CUL1: variants seen among roughly 807,000 people sequenced by gnomAD.
CUL1 encodes the protein cullin-1.
Under a neutral mutation model 118.0 loss-of-function variants are expected in CUL1, and 24 were observed. The observed-to-expected ratio is 0.20, with a 90% confidence interval of 0.15 to 0.29. The LOEUF (loss-of-function observed/expected upper bound fraction) is 0.29. CUL1 is among the 10% of genes least tolerant of loss of function. The pLI is 1.00. For missense variants in CUL1, 361 were observed against 933.8 expected (o/e 0.39, Z 7.99); for synonymous variants, 332 against 340.4 (o/e 0.98, Z 0.27).
intron 2 of CUL1, among the ~76,000 whole-genome samples, chr7:148,740,689 G>C (rs920589628): frequency 6.6e-6 from 1 of 152,128 alleles, no homozygotes; most frequent in Non-Finnish European, 1.5e-5. Flanking sequence ...GGTATTTGGA[G>C]GTAAGGCTAT....
At chr7:148,722,538 C>T (rs1473364373) in intron 1 of CUL1, among the ~76,000 whole-genome samples, 2 of 152,196 alleles carry the variant, frequency 1.3e-5, no homozygotes, top group South Asian at 2.1e-4. Context: ...GGCAGGGGTC[C>T]ACCTCCTCCT....
intron 1 of CUL1, among the ~76,000 whole-genome samples, chr7:148,700,025 A>G (rs1397466347): frequency 6.6e-6 from 1 of 152,178 alleles, no homozygotes; most frequent in Non-Finnish European, 1.5e-5. Context: ...CTTGAAATGA[A>G]TCCCCAAAGT....
In CUL1 at chr7:148,800,404, G is replaced by A; in HGVS notation, c.2251-98G>A. On this transcript the variant is annotated intron_variant, in intron 21 of 21. Coordinates refer to ENST00000325222, the MANE Select transcript of CUL1 (RefSeq NM_003592.3). The surrounding 1 kb of genome is among the most constrained non-coding windows in gnomAD (Gnocchi z 4.6). ...CTGCTCCCCACTGAGCTCCGAATCAGGGGAGATTTGTGGTGGGGGCAGCCT... is the reference window on the plus strand; with the variant it reads ...CTGCTCCCCACTGAGCTCCGAATCAAGGGAGATTTGTGGTGGGGGCAGCCT... 1.1e-6 allele frequency: 1 copy of A among 936,368 alleles called. No homozygotes were observed. Among genetic ancestry groups the A allele is most frequent in the Non-Finnish European group, 1.7e-6 (1 of 587,384 alleles). The allele number at this position is 936,368 out of a possible 1,614,324, so 58.0% of individuals were successfully genotyped here.
chr7:148,784,732 A>G (rs1187012676), intron 11 of CUL1, among the ~76,000 whole-genome samples: 2 of 152,192 alleles, frequency 1.3e-5, no homozygotes, highest in Non-Finnish European at 2.9e-5. Context: ...TTCTGTTGCA[A>G]TAGTTTTCCA....
chr7:148,746,585 C>T (rs1054876260), intron 2 of CUL1, among the ~76,000 whole-genome samples: 1 of 152,162 alleles, frequency 6.6e-6, no homozygotes, highest in Non-Finnish European at 1.5e-5. Flanking sequence ...TGGAAAAACA[C>T]AGACATCCTT....
chr7:148,736,021 A>G (rs1798926634), intron 2 of CUL1, among the ~76,000 whole-genome samples: 1 of 151,652 alleles, frequency 6.6e-6, no homozygotes, highest in African/African-American at 2.4e-5. Flanking sequence ...AAAAAAAAAA[A>G]AAAAAAGCCA....
chr7:148,772,960 T>G (rs1257836317), intron 9 of CUL1, among the ~76,000 whole-genome samples: 1 of 152,100 alleles, frequency 6.6e-6, no homozygotes, highest in Non-Finnish European at 1.5e-5. Context: ...CCCTTGGCTC[T>G]TACTGTTTTC....
chr7:148,771,074 T>G (rs1449943190), intron 9 of CUL1, among the ~76,000 whole-genome samples: 13 of 152,216 alleles, frequency 8.5e-5, no homozygotes, highest in Admixed American at 8.5e-4. Context: ...TAGAAGGCAC[T>G]ACCTAAGTGA....
chr7:148,786,390 T>C (rs1800813673), intron 11 of CUL1, among the ~76,000 whole-genome samples, 161 bp from the exon 12 acceptor site: 1 of 152,250 alleles, frequency 6.6e-6, no homozygotes, highest in Admixed American at 6.5e-5. Flanking sequence ...CAGTATGAGA[T>C]TGCCAGTTTG....
chr7:148,713,378 G>A (rs530094506), intron 1 of CUL1, among the ~76,000 whole-genome samples: 137 of 152,304 alleles, frequency 9.0e-4, no homozygotes, highest in Middle Eastern at 3.4e-3. Flanking sequence ...TAAGTTTTCA[G>A]GTTTTCCGGA....
At chr7:148,796,978 GT>G (rs1485970972) in intron 17 of CUL1, among the ~76,000 whole-genome samples, 2 of 152,204 alleles carry the variant, frequency 1.3e-5, no homozygotes, top group Admixed American at 6.5e-5. Context: ...CTGCCCGTGG[GT>G]TGTAAGAGTC....
chr7:148,700,389 G>A (rs1298652274), intron 1 of CUL1, among the ~76,000 whole-genome samples: 1 of 152,150 alleles, frequency 6.6e-6, no homozygotes, highest in Non-Finnish European at 1.5e-5. Context: ...TCATTTCATG[G>A]TGCACCCGAA....
At chr7:148,769,449 A>ACAC (rs1554471386) in intron 9 of CUL1, among the ~76,000 whole-genome samples, 16 of 132,536 alleles carry the variant, frequency 1.2e-4, no homozygotes, top group Admixed American at 2.3e-4. Context: ...ACACACACAC[A>ACAC]AAACGCTCAC....
In CUL1 at chr7:148,740,940, A is replaced by C. The variant is rs188918872; in HGVS notation, c.140+10678A>C. Among the ~76,000 whole-genome samples the C allele has an allele frequency of 1.5e-3, 223 of 152,320 alleles. 1 individual carries two copies. The highest frequency in any genetic ancestry group is 6.8e-3 in the Middle Eastern group (2 of 294). The stretch of plus-strand genomic sequence containing the variant: ...CCTCTAGTCTCCAGAACTGTGAGAA[A>C]ATAAATTCCTGTTGTTTAAGCCGTC... On this transcript the variant is annotated intron_variant, in intron 2 of 21. Transcript: ENST00000325222.
chr7:148,792,860 T>A, intron 17 of CUL1, 42 bp downstream of exon 17: 1 of 1,416,488 alleles, frequency 7.1e-7, no homozygotes, highest in African/African-American at 1.4e-5. Context: ...GCTTGCCGTT[T>A]CCTTGTTCTC....
intron 9 of CUL1, among the ~76,000 whole-genome samples, chr7:148,778,739 G>T (rs1209331778): frequency 2.0e-5 from 3 of 152,168 alleles, no homozygotes; most frequent in Non-Finnish European, 2.9e-5. Flanking sequence ...TCTTGTAATT[G>T]ATCTGCTCTC....
rs369401540 is a variant in CUL1, at chr7:148,799,403, A to T, written c.2250+15A>T. Reference sequence around the variant, plus strand: ...CTGTGATCAAGGTACAGGACTTTACATAGCAGTCACATTCCTTTCTTAATT... The same window carrying T: ...CTGTGATCAAGGTACAGGACTTTACTTAGCAGTCACATTCCTTTCTTAATT... On this transcript the variant is annotated intron_variant, in intron 21 of 21. Transcript: ENST00000325222. The T allele has an allele frequency of 2.8e-4, 422 of 1,489,772 alleles. 1 individual carries two copies. Among genetic ancestry groups the T allele is most frequent in the Non-Finnish European group, 3.8e-4 (408 of 1,069,992 alleles). 92.3% of individuals were successfully genotyped at this position (1,489,772 alleles called of 1,614,324 possible).
At chr7:148,795,803 T>G (rs1045723211) in intron 17 of CUL1, among the ~76,000 whole-genome samples, 12 of 151,932 alleles carry the variant, frequency 7.9e-5, no homozygotes, top group African/African-American at 2.9e-4. Context: ...CAACTAATTA[T>G]TGTATTTTGA....
At chr7:148,781,189 T>C (rs1800619826) in intron 9 of CUL1, among the ~76,000 whole-genome samples, 1 of 143,798 alleles carries the variant, frequency 7.0e-6, no homozygotes, top group Non-Finnish European at 1.5e-5. Context: ...CAAGCGATTC[T>C]CCTGCCTCAG....
Sources: gnomAD v4.1 joint callset for allele counts (sites outside exome capture counted in the v4.1 genomes callset) on GRCh38, gnomAD v4.1.1 for gene constraint, Gnocchi (gnomAD v3.1) non-coding constraint, MANE v1.5 for transcripts, NCBI Gene and HGNC (gene_info 2026-07-23, HGNC 2026-07-21) for gene names.